NRXN1: variants seen among roughly 807,000 people sequenced by gnomAD.
NRXN1 encodes the protein neurexin 1.
Under a neutral mutation model 150.9 loss-of-function variants are expected in NRXN1, and 39 were observed. The observed-to-expected ratio is 0.26, with a 90% CI of 0.20 to 0.34. NRXN1 has a LOEUF of 0.34. NRXN1 is among the 10% of genes least tolerant of loss of function. The pLI is 1.00. For synonymous variants in NRXN1, 924 were observed against 757.0 expected, an observed-to-expected ratio of 1.22 and a Z score of -3.62; for missense variants, 1,815 against 1,949.9, an observed-to-expected ratio of 0.93 and a Z score of 1.30.
intron 5 of NRXN1, among the ~76,000 whole-genome samples, chr2:50,912,690 G>A (rs1168950005): frequency 6.6e-6 from 1 of 150,586 alleles, no homozygotes; most frequent in Non-Finnish European, 1.5e-5. Context: ...AGGGAAGTGA[G>A]CTACTTGAAC....
chr2:50,239,505 A>AT (rs1376637625), intron 17 of NRXN1, among the ~76,000 whole-genome samples: 2 of 148,212 alleles, frequency 1.3e-5, no homozygotes, highest in African/African-American at 4.9e-5. Context: ...TCACAATTAA[A>AT]AAAAATCTTA....
intron 17 of NRXN1, among the ~76,000 whole-genome samples, chr2:50,333,298 C>T (rs1174797175): frequency 6.6e-6 from 1 of 152,166 alleles, no homozygotes. Flanking sequence ...AGTGACCGGG[C>T]TGCAACGTTG....
chr2:50,648,353 G>A (rs1685118772), intron 5 of NRXN1, among the ~76,000 whole-genome samples: 1 of 151,996 alleles, frequency 6.6e-6, no homozygotes, highest in African/African-American at 2.4e-5. Context: ...TCCCTTAGTA[G>A]TTCTATTTCT....
At chr2:50,518,921 C>T (rs1480432222) in intron 12 of NRXN1, among the ~76,000 whole-genome samples, 1 of 151,564 alleles carries the variant, frequency 6.6e-6, no homozygotes, top group Non-Finnish European at 1.5e-5. Context: ...AGAAAAAAAC[C>T]CTAAGTTTCT....
intron 18 of NRXN1, among the ~76,000 whole-genome samples, chr2:50,215,692 A>G (rs955861831): frequency 6.6e-6 from 1 of 152,044 alleles, no homozygotes; most frequent in African/African-American, 2.4e-5. Context: ...ACTTTAAAAC[A>G]ATATTTAAAA....
intron 17 of NRXN1, among the ~76,000 whole-genome samples, chr2:50,243,438 T>C (rs1005747716): frequency 6.6e-6 from 1 of 151,692 alleles, no homozygotes. Flanking sequence ...TAAAATTAAG[T>C]TATTAAATTT....
chr2:50,881,442 G>A (rs1487137134), intron 5 of NRXN1, among the ~76,000 whole-genome samples: 2 of 151,904 alleles, frequency 1.3e-5, no homozygotes, highest in South Asian at 2.1e-4. Flanking sequence ...TTTAGTACAT[G>A]ATTTTGGTTG....
chr2:50,151,899 G>T (rs954756736), intron 18 of NRXN1, among the ~76,000 whole-genome samples: 2 of 151,694 alleles, frequency 1.3e-5, no homozygotes, highest in Non-Finnish European at 2.9e-5. Flanking sequence ...AAGAGTATGA[G>T]CAATTCTACA....
intron 18 of NRXN1, among the ~76,000 whole-genome samples, chr2:50,118,119 G>A (rs773791848): frequency 3.3e-5 from 5 of 152,158 alleles, no homozygotes; most frequent in South Asian, 2.1e-4. Flanking sequence ...AGATCTTAAC[G>A]TTGTACTTAA....
chr2:50,724,997 G>A (rs1697156863), intron 5 of NRXN1, among the ~76,000 whole-genome samples: 1 of 152,118 alleles, frequency 6.6e-6, no homozygotes, highest in African/African-American at 2.4e-5. Flanking sequence ...GAGCAAAAAA[G>A]TCAAAGTAAC....
In NRXN1 at chr2:49,936,238, T is replaced by C. The variant is rs1419226018; in HGVS notation, c.4216+7466A>G. Among the ~76,000 whole-genome samples, 4 of 152,358 alleles carry C rather than the reference T, an allele frequency of 2.6e-5. No homozygotes were observed. The East Asian group carries it at 7.7e-4, about 29-fold the overall frequency. ...TAATTATTATAAGTGGCCAATCATA[T>C]GTTAGTTAAAACATTTTAACAGAAC... On this transcript the variant is annotated intron_variant, in intron 22 of 22. Transcript: ENST00000401669.
intron 2 of NRXN1, among the ~76,000 whole-genome samples, chr2:51,001,232 G>A (rs1700016841): frequency 8.5e-6 from 1 of 117,118 alleles, no homozygotes; most frequent in East Asian, 3.0e-4. Context: ...GATTCATGGG[G>A]TTGGGGGGGG....
intron 18 of NRXN1, among the ~76,000 whole-genome samples, chr2:50,172,522 C>T (rs1306121742): frequency 6.6e-6 from 1 of 152,098 alleles, no homozygotes; most frequent in Non-Finnish European, 1.5e-5. Flanking sequence ...TGTGTACCAC[C>T]ACCCCACAAC....
chr2:50,386,028 T>C (rs6740647), intron 17 of NRXN1, among the ~76,000 whole-genome samples: 4,259 of 152,090 alleles, frequency 0.028, 170 homozygotes, highest in African/African-American at 0.096. Context: ...TATTTATAGA[T>C]GTATAAATAT....
At chr2:50,620,295 G>T (rs1014543178) in intron 7 of NRXN1, 112 bp from the exon 8 acceptor site, 53 of 1,232,944 alleles carry the variant, frequency 4.3e-5, no homozygotes, top group Non-Finnish European at 5.3e-5. Context: ...GTTTTGTTTT[G>T]CTTTTTTCTT....
chr2:50,725,246 T>C (rs575128740), intron 5 of NRXN1, among the ~76,000 whole-genome samples: 1 of 151,944 alleles, frequency 6.6e-6, no homozygotes, highest in Non-Finnish European at 1.5e-5. Context: ...GTTGGTATTA[T>C]CAAAAATAAA....
intron 17 of NRXN1, among the ~76,000 whole-genome samples, chr2:50,427,089 G>T (rs576289889): frequency 6.6e-6 from 1 of 152,226 alleles, no homozygotes; most frequent in African/African-American, 2.4e-5. Context: ...AACTAAAAGG[G>T]TGGATTCCAA....
At chr2:50,405,441 G>A (rs1192019054) in intron 17 of NRXN1, among the ~76,000 whole-genome samples, 1 of 151,978 alleles carries the variant, frequency 6.6e-6, no homozygotes, top group African/African-American at 2.4e-5. Flanking sequence ...ATCTCTTAAG[G>A]GCAATGCAAA....
intron 18 of NRXN1, among the ~76,000 whole-genome samples, 198 bp downstream of exon 18, chr2:50,236,591 A>C (rs1216112844): frequency 2.6e-5 from 4 of 152,016 alleles, no homozygotes; most frequent in Non-Finnish European, 4.4e-5. Context: ...AAAAAAAAAA[A>C]AAAGTTTGCA....
Sources: allele counts gnomAD v4.1 joint callset (sites outside exome capture counted in the v4.1 genomes callset), GRCh38; gene constraint gnomAD v4.1.1; transcripts MANE v1.5; gene names NCBI Gene and HGNC (gene_info 2026-07-23, HGNC 2026-07-21).